Variants in KPNB1 observed in about 807,000 individuals in gnomAD.
KPNB1 encodes importin subunit beta-1.
KPNB1 carries 7 observed loss-of-function variants against 113.0 expected under a neutral mutation model. The observed-to-expected ratio is 0.06, with a 90% CI of 0.04 to 0.12. The LOEUF (loss-of-function observed/expected upper bound fraction) is 0.12, where lower values mean the gene tolerates loss of function less well. KPNB1 is among the 10% of genes least tolerant of loss of function. KPNB1 has a pLI of 1.00. For synonymous variants in KPNB1, 363 were observed against 378.6 expected (o/e 0.96, Z 0.48); for missense variants, 400 against 1,054.8 (o/e 0.38, Z 8.60).
rs2030889707 is a variant in KPNB1, at chr17:47,684,662, A to G, written c.*2258A>G. The G allele has an allele frequency of 6.6e-6, 1 of 152,526 alleles. No homozygotes were observed. Among genetic ancestry groups the G allele is most frequent in the Admixed American group, 6.5e-5 (1 of 15,278 alleles). The allele number at this position is 152,526 out of a possible 1,614,324, so 9.4% of individuals were successfully genotyped here. A position where few individuals can be genotyped will look rare whatever the true frequency, so the allele number is the denominator to read the frequency against. On this transcript the variant is annotated 3_prime_UTR_variant, in exon 22 of 22. Coordinates refer to ENST00000290158, the MANE Select transcript of KPNB1 (RefSeq NM_002265.6). ...AGAATAAAGTACACCGAGAACCATA[A>G]TGAAAAAACCTTCCGTGTGTTTTGT...
chr17:47,681,856 CAG>C (rs1213430291), intron 21 of KPNB1, among the ~76,000 whole-genome samples: 2 of 151,550 alleles, frequency 1.3e-5, no homozygotes, highest in East Asian at 2.0e-4. Context: ...TGTTTGGAGA[CAG>C]AGTCTCCTCT....
At chr17:47,661,212 C>T (rs370920105) in intron 6 of KPNB1, 34 bp downstream of exon 6, 6 of 1,508,496 alleles carry the variant, frequency 4.0e-6, no homozygotes, top group Middle Eastern at 1.7e-4. Flanking sequence ...ATCTGTCTTA[C>T]ATCTTTCTTA....
intron 7 of KPNB1, among the ~76,000 whole-genome samples, chr17:47,663,620 C>T (rs2030175106): frequency 6.6e-6 from 1 of 151,972 alleles, no homozygotes; most frequent in Admixed American, 6.6e-5. Context: ...GCCAAGATCA[C>T]GCCATTGCAC....
intron 12 of KPNB1, among the ~76,000 whole-genome samples, chr17:47,672,345 C>T (rs774519258): frequency 3.3e-5 from 5 of 152,064 alleles, no homozygotes; most frequent in Admixed American, 6.5e-5. Context: ...CATGTCCATG[C>T]CTCTTTGAGA....
chr17:47,682,568 C>T lies in KPNB1; in HGVS notation c.*164C>T. On this transcript the variant is annotated 3_prime_UTR_variant, in exon 22 of 22. Transcript: ENST00000290158. ...CACATTGAAAATCCTGCCACAGCAG[C>T]AGCCGCAGCCGCCAACAGCAGCGCT... 6.2e-6 allele frequency: 4 copies of T among 645,648 alleles called. No individual in the cohort carries two copies. In the African/African-American group the frequency reaches 7.3e-5, roughly 12 times the overall value. The allele number at this position is 645,648 out of a possible 1,614,324, so 40.0% of individuals were successfully genotyped here.
intron 4 of KPNB1, 106 bp downstream of exon 4, chr17:47,657,166 A>T: frequency 3.2e-6 from 3 of 935,634 alleles, no homozygotes; most frequent in Non-Finnish European, 5.0e-6. Flanking sequence ...AAGCCAAGCT[A>T]AATTGCACAG....
In KPNB1 at chr17:47,675,361, G is replaced by GTTGTTTTTTTTTTTTTTTTTT. The variant is rs1567894260; in HGVS notation, c.1912+581_1912+582insGTTTTTTTTTTTTTTTTTTTT. The stretch of plus-strand genomic sequence containing the variant: ...TGCAACGGAGATTGGCAGAGGTGTT[G>GTTGTTTTTTTTTTTTTTTTTT]TTTTTTTTTTGTTTTTTTTTTTTGT... On this transcript the variant is annotated intron_variant, in intron 15 of 21. Coordinates refer to ENST00000290158, the MANE Select transcript of KPNB1 (RefSeq NM_002265.6). Among the ~76,000 whole-genome samples the GTTGTTTTTTTTTTTTTTTTTT allele has an allele frequency of 1.0e-4, 9 of 88,694 alleles. 1 individual carries two copies. The highest frequency in any genetic ancestry group is 1.4e-4 in the Non-Finnish European group (6 of 43,328). 58.2% of individuals were successfully genotyped at this position (88,694 alleles called of 152,430 possible).
In KPNB1 at chr17:47,650,377, T is replaced by A. The variant is rs781328388; in HGVS notation, c.41-9T>A. On this transcript the variant is annotated splice_polypyrimidine_tract_variant and intron_variant, in intron 1 of 21. Transcript: ENST00000290158. ...GACCCCGCTCCGTCTCCCACTTTCC[T>A]CCCCCTAGATCGGCTGGAGCTGGAA... 1.9e-6 allele frequency: 3 copies of A among 1,610,354 alleles called. No individual in the cohort carries two copies. The highest frequency in any genetic ancestry group is 1.7e-6 in the Non-Finnish European group (2 of 1,178,960).
intron 2 of KPNB1, 119 bp downstream of exon 2, chr17:47,650,563 C>G: frequency 1.4e-6 from 1 of 692,290 alleles, no homozygotes; most frequent in Admixed American, 2.3e-5. Flanking sequence ...CGTCCCCCTC[C>G]CCCCTCCCCC....
intron 5 of KPNB1, among the ~76,000 whole-genome samples, chr17:47,660,383 C>CT (rs1485301285): frequency 6.6e-6 from 1 of 152,102 alleles, no homozygotes; most frequent in Non-Finnish European, 1.5e-5. Context: ...TTGCATCCAC[C>CT]TTTTGGCTAT....
chr17:47,675,361 G>GTTGTTTTTTTTTT (rs1567894260), intron 15 of KPNB1, among the ~76,000 whole-genome samples: 5 of 88,692 alleles, frequency 5.6e-5, no homozygotes, highest in Non-Finnish European at 9.2e-5. Context: ...CAGAGGTGTT[G>GTTGTTTTTTTTTT]TTTTTTTTTT....
At chr17:47,676,285 G>C in intron 15 of KPNB1, 124 bp from the exon 16 acceptor site, 1 of 711,120 alleles carries the variant, frequency 1.4e-6, no homozygotes, top group South Asian at 1.6e-5. Flanking sequence ...GGTAACTAAA[G>C]CACATTTCAC....
rs1159358131 is a variant in KPNB1 at position 47,675,368 on chromosome 17, TTTTGTTTTTTTTTTTTGTTTG to T, written c.1912+590_1912+610del. The stretch of plus-strand genomic sequence containing the variant: ...GAGATTGGCAGAGGTGTTGTTTTTT[TTTTGTTTTTTTTTTTTGTTTG>T]TTTTTTTTTTGAGACTTGTTCTGTT... On this transcript the variant is annotated intron_variant, in intron 15 of 21. Transcript: ENST00000290158. Among the ~76,000 whole-genome samples the T allele has an allele frequency of 7.7e-5, 9 of 116,546 alleles. 1 individual carries two copies. Among genetic ancestry groups the T allele is most frequent in the Admixed American group, 2.4e-4 (3 of 12,534 alleles). The allele number at this position is 116,546 out of a possible 152,430, so 76.5% of individuals were successfully genotyped here.
chr17:47,653,947 A>T (rs1445285325), intron 3 of KPNB1, among the ~76,000 whole-genome samples: 1 of 152,208 alleles, frequency 6.6e-6, no homozygotes, highest in East Asian at 1.9e-4. Context: ...TCCCTCAGCT[A>T]AGTGACATAA....
At chr17:47,655,651 G>C (rs1390308876) in intron 3 of KPNB1, among the ~76,000 whole-genome samples, 1 of 152,162 alleles carries the variant, frequency 6.6e-6, no homozygotes, top group Non-Finnish European at 1.5e-5. Flanking sequence ...CTGTGAATAA[G>C]ACCCACCTGA....
At chr17:47,679,343 C>T (rs2030704202) in intron 19 of KPNB1, among the ~76,000 whole-genome samples, 2 of 152,160 alleles carry the variant, frequency 1.3e-5, no homozygotes, top group Non-Finnish European at 2.9e-5. Context: ...GGCAGGTCCC[C>T]TACCCCTTTC....
In KPNB1 at chr17:47,673,109, G is replaced by C; in HGVS notation, c.1639G>C (p.Val547Leu). 6.2e-7 allele frequency: 1 copy of C among 1,614,142 alleles called. No individual in the cohort carries two copies. Among genetic ancestry groups the C allele is most frequent in the Non-Finnish European group, 8.5e-7 (1 of 1,180,018 alleles). Reference sequence around the variant, plus strand: ...CAGTGCCAAGGATTGTTATCCTGCTGTCCAGAAAACGACTTTGGTCATCAT... The same window carrying C: ...CAGTGCCAAGGATTGTTATCCTGCTCTCCAGAAAACGACTTTGGTCATCAT... ...KNSAKDCYPAVQKTTLVIMER... is the reference protein window; with the variant it reads ...KNSAKDCYPALQKTTLVIMER... The change falls in exon 13 of 22, where the codon GTC becomes CTC. Residue 547 changes from valine (V) to leucine (L), a missense_variant. By Grantham distance (32) the Val-to-Leu change is conservative. Coordinates refer to ENST00000290158, the MANE Select transcript of KPNB1 (RefSeq NM_002265.6).
rs1027013429 is a variant in KPNB1, at chr17:47,650,562, C to T, written c.99+118C>T. ...CTACCCCGCCCCATCCCGTCCCCCT[C>T]CCCCCTCCCCCTCCCCCCCCAACCC... On this transcript the variant is annotated intron_variant, in intron 2 of 21. Coordinates refer to ENST00000290158, the MANE Select transcript of KPNB1 (RefSeq NM_002265.6). The T allele has an allele frequency of 1.3e-4, 92 of 721,992 alleles. No individual in the cohort carries two copies. The East Asian group carries it at 1.7e-3, about 14-fold the overall frequency. 44.7% of individuals were successfully genotyped at this position (721,992 alleles called of 1,614,324 possible). A position where few individuals can be genotyped will look rare whatever the true frequency, so the allele number is the denominator to read the frequency against.
At chr17:47,653,783 T>G (rs1915644643) in intron 3 of KPNB1, among the ~76,000 whole-genome samples, 1 of 152,216 alleles carries the variant, frequency 6.6e-6, no homozygotes, top group Non-Finnish European at 1.5e-5. Flanking sequence ...CTTCTGTATC[T>G]GGTTGTGTAC....
Sources: allele counts gnomAD v4.1 joint callset (sites outside exome capture counted in the v4.1 genomes callset), GRCh38; gene constraint gnomAD v4.1.1; transcripts MANE v1.5; gene names NCBI Gene and HGNC (gene_info 2026-07-23, HGNC 2026-07-21).